Variants in LMBR1 observed in about 807,000 individuals in gnomAD.
LMBR1 encodes limb region 1 protein homolog.
LMBR1 carries 52 observed loss-of-function variants against 73.9 expected under a neutral mutation model. That is an observed-to-expected ratio of 0.70 (90% CI 0.56 to 0.89). The LOEUF is 0.89. LMBR1 is among the 40% of genes least tolerant of loss of function. The pLI, the probability that LMBR1 is intolerant of heterozygous loss-of-function variation, is 0.00. For synonymous variants in LMBR1, 215 were observed against 209.4 expected, an observed-to-expected ratio of 1.03 and a Z score of -0.23; for missense variants, 539 against 579.8, an observed-to-expected ratio of 0.93 and a Z score of 0.72.
rs142551947 is a variant in LMBR1, at chr7:156,762,241, G to A, written c.620-43C>T. On this transcript the variant is annotated intron_variant, in intron 7 of 16. Transcript: ENST00000353442. ...CCAAAAGACAGAAAGCGACATTATA[G>A]AGCTTGGAGAAAGAGATAAACAACT... The A allele has an allele frequency of 7.7e-4, 974 of 1,269,158 alleles. 7 individuals are homozygous for A. In the African/African-American group the frequency reaches 0.013, roughly 17 times the overall value. The allele number at this position is 1,269,158 out of a possible 1,614,324, so 78.6% of individuals were successfully genotyped here. A position where few individuals can be genotyped will look rare whatever the true frequency, so the allele number is the denominator to read the frequency against.
intron 3 of LMBR1, among the ~76,000 whole-genome samples, chr7:156,832,497 A>G (rs1174704090): frequency 6.6e-6 from 1 of 152,120 alleles, no homozygotes; most frequent in Admixed American, 6.6e-5. Flanking sequence ...GCAATCATCA[A>G]TCTGCTTTTA....
intron 1 of LMBR1, among the ~76,000 whole-genome samples, chr7:156,855,707 T>C (rs1796865114): frequency 1.4e-5 from 2 of 141,602 alleles, no homozygotes; most frequent in South Asian, 2.2e-4. Flanking sequence ...AGGCATATCA[T>C]ATGCTGCAAG....
chr7:156,875,086 C>G (rs1231926220), intron 1 of LMBR1, among the ~76,000 whole-genome samples: 3 of 152,026 alleles, frequency 2.0e-5, no homozygotes. Context: ...TTCAGTGAAA[C>G]AGACAGCATA....
rs1332576123 is a variant in LMBR1, at chr7:156,871,413, G to C, written c.66+21515C>G. ...GTCTCAAACTCCTTCAAAAAACTGA[G>C]GTGGAGAGAACACTTTCAAACACAT... On this transcript the variant is annotated intron_variant, in intron 1 of 16. Transcript: ENST00000353442. Among the ~76,000 whole-genome samples, 3 of 152,316 alleles carry C rather than the reference G, an allele frequency of 2.0e-5. No homozygotes were observed. The East Asian group carries it at 5.8e-4, about 29-fold the overall frequency.
At chr7:156,708,923 AAC>A (rs1811534783) in intron 15 of LMBR1, among the ~76,000 whole-genome samples, 6 of 152,066 alleles carry the variant, frequency 3.9e-5, no homozygotes, top group Admixed American at 3.9e-4. Flanking sequence ...CAAACTATAT[AAC>A]ACAGCACAGG....
At chr7:156,843,402 A>G (rs1314748337) in intron 1 of LMBR1, among the ~76,000 whole-genome samples, 2 of 152,188 alleles carry the variant, frequency 1.3e-5, no homozygotes, top group Non-Finnish European at 2.9e-5. Flanking sequence ...AGGAGAAACA[A>G]AGACTTCAAT....
At chr7:156,719,138 CA>C (rs1246402082) in intron 15 of LMBR1, among the ~76,000 whole-genome samples, 31 of 134,998 alleles carry the variant, frequency 2.3e-4, no homozygotes, top group Non-Finnish European at 4.5e-4. Flanking sequence ...CCCCTCCCCC[CA>C]CCCCACAACA....
At chr7:156,836,023 G>A (rs1202148743) in intron 2 of LMBR1, among the ~76,000 whole-genome samples, 1 of 152,116 alleles carries the variant, frequency 6.6e-6, no homozygotes, top group African/African-American at 2.4e-5. Context: ...TAGAGGTTAT[G>A]GAATCCATGG....
downstream of LMBR1, chr7:156,675,634 C>T (rs916720762): frequency 2.1e-5 from 30 of 1,438,690 alleles, no homozygotes; most frequent in South Asian, 8.2e-5. Context: ...GGCTCGAGAG[C>T]GCTTCCCTGC....
intron 5 of LMBR1, among the ~76,000 whole-genome samples, chr7:156,771,138 CAAT>C (rs914718793): frequency 1.9e-4 from 28 of 148,688 alleles, no homozygotes; most frequent in African/African-American, 6.9e-4. Context: ...GTATAACTGT[CAAT>C]AAATGGGAAA....
downstream of LMBR1, chr7:156,675,955 C>A: frequency 1.5e-6 from 2 of 1,325,108 alleles, no homozygotes; most frequent in Admixed American, 1.8e-5. Flanking sequence ...CGAGGACTCA[C>A]TTTGGGGAGC....
chr7:156,797,394 A>G (rs1205044915), intron 4 of LMBR1, among the ~76,000 whole-genome samples: 1 of 152,244 alleles, frequency 6.6e-6, no homozygotes, highest in Non-Finnish European at 1.5e-5. Flanking sequence ...TAAAATCAAG[A>G]GTCAAAGATA....
intron 5 of LMBR1, among the ~76,000 whole-genome samples, chr7:156,766,780 A>G (rs569736900): frequency 6.6e-6 from 1 of 152,224 alleles, no homozygotes; most frequent in African/African-American, 2.4e-5. Flanking sequence ...AGTGAGGCTG[A>G]GCCCACTGCT....
At chr7:156,695,804 T>C (rs1337186780) in intron 15 of LMBR1, among the ~76,000 whole-genome samples, 1 of 151,144 alleles carries the variant, frequency 6.6e-6, no homozygotes, top group Non-Finnish European at 1.5e-5. Context: ...TCAAGTTTTA[T>C]GACCAATCTA....
downstream of LMBR1, chr7:156,676,530 T>G: frequency 1.2e-6 from 2 of 1,614,130 alleles, no homozygotes; most frequent in Non-Finnish European, 1.7e-6. Context: ...CCTCCTGTCC[T>G]GCTCACATGT....
chr7:156,883,570 G>A (rs1174369947), intron 1 of LMBR1, among the ~76,000 whole-genome samples: 1 of 152,194 alleles, frequency 6.6e-6, no homozygotes, highest in Non-Finnish European at 1.5e-5. Flanking sequence ...TCCTATGGCT[G>A]CTGTAACCAA....
intron 1 of LMBR1, among the ~76,000 whole-genome samples, chr7:156,883,368 C>A (rs1015609205): frequency 6.6e-6 from 1 of 151,520 alleles, no homozygotes; most frequent in African/African-American, 2.4e-5. Flanking sequence ...CACTGCACTC[C>A]AGCCTGGGCA....
Position 156,717,306 on chromosome 7 carries a change from G to GTTCT in LMBR1, c.1225+6805_1225+6806insAGAA, listed in dbSNP as rs1563200150. Among the ~76,000 whole-genome samples, 5 of 152,198 alleles carry GTTCT rather than the reference G, an allele frequency of 3.3e-5. No homozygotes were observed. In the East Asian group the frequency reaches 9.6e-4, roughly 29 times the overall value. The stretch of plus-strand genomic sequence containing the variant: ...ACTGAAGGGAAATACAGGAGAGAGA[G>GTTCT]AAATGACAGGTTCTGTTTTAGAAAT... On this transcript the variant is annotated intron_variant, in intron 15 of 16. Transcript: ENST00000353442.
chr7:156,676,670 A>G (rs1230386739), downstream of LMBR1: 3 of 1,599,250 alleles, frequency 1.9e-6, no homozygotes, highest in Middle Eastern at 3.3e-4. Flanking sequence ...ATAGTCAAGG[A>G]AAGTTAGGTA....
Sources: gnomAD v4.1 joint callset for allele counts (sites outside exome capture counted in the v4.1 genomes callset) on GRCh38, gnomAD v4.1.1 for gene constraint, MANE v1.5 for transcripts, NCBI Gene and HGNC (gene_info 2026-07-23, HGNC 2026-07-21) for gene names.